ANKRD30BL: variants seen among roughly 807,000 people sequenced by gnomAD.
The protein encoded by ANKRD30BL is putative ankyrin repeat domain-containing protein 30B-like.
A neutral mutation model predicts 18.4 loss-of-function variants in ANKRD30BL; 20 were observed. That is an observed-to-expected ratio of 1.09 (90% CI 0.77 to 1.58). ANKRD30BL has a LOEUF of 1.58. Ranked by LOEUF, ANKRD30BL falls within the 40% of genes most tolerant of loss-of-function variation. The probability of loss-of-function intolerance (pLI) is 0.00; values close to 1 mark genes in which losing one functional copy is unlikely to be tolerated. For missense variants in ANKRD30BL, 224 were observed against 268.6 expected, an observed-to-expected ratio of 0.83 and a Z score of 1.16; for synonymous variants, 72 against 100.9, an observed-to-expected ratio of 0.71 and a Z score of 1.72.
chr2:132,162,731 G>A (rs1307619918), upstream of ANKRD30BL, among the ~76,000 whole-genome samples: 1 of 152,272 alleles, frequency 6.6e-6, no homozygotes, highest in South Asian at 2.1e-4. Flanking sequence ...TGTGGCACAC[G>A]CCCTCCCACT....
intron 1 of ANKRD30BL, among the ~76,000 whole-genome samples, chr2:132,244,546 A>T (rs1475418083): frequency 1.3e-5 from 2 of 152,220 alleles, no homozygotes; most frequent in African/African-American, 4.8e-5. Context: ...TGTAAATGGA[A>T]ACTTTGAGTG....
chr2:132,190,013 A>T lies in ANKRD30BL; in HGVS notation n.442-32867T>A, dbSNP rs1363658681. Among the ~76,000 whole-genome samples, 3 of 151,948 alleles carry T rather than the reference A, an allele frequency of 2.0e-5. No homozygotes were observed. In the East Asian group the frequency reaches 5.8e-4, roughly 30 times the overall value. On this transcript the variant is annotated intron_variant and non_coding_transcript_variant, in intron 1 of 4. Coordinates refer to the ANKRD30BL transcript ENST00000470729. ...AGTGGACTAAACTTCAGCTCTAAAA[A>T]GTTAACAAATCTTGAAGTCTGCTTG... is the stretch of plus-strand genomic sequence containing the variant.
intron 1 of ANKRD30BL, among the ~76,000 whole-genome samples, chr2:132,208,922 T>C (rs1046886688): frequency 6.6e-6 from 1 of 151,978 alleles, no homozygotes; most frequent in Admixed American, 6.6e-5. Flanking sequence ...TTTCTTTTGA[T>C]TTAGCACTTT....
At chr2:132,222,253 A>G (rs1161422525) in intron 1 of ANKRD30BL, among the ~76,000 whole-genome samples, 1 of 147,860 alleles carries the variant, frequency 6.8e-6, no homozygotes, top group Non-Finnish European at 1.5e-5. Context: ...CCCATCCGGG[A>G]GGTGAGGGGC....
chr2:132,220,513 G>T (rs369525710), intron 1 of ANKRD30BL, among the ~76,000 whole-genome samples: 3 of 151,956 alleles, frequency 2.0e-5, no homozygotes, highest in Admixed American at 2.0e-4. Flanking sequence ...GCAGGCGCGC[G>T]TCGCCACGCC....
chr2:132,162,326 G>A (rs1688097857), upstream of ANKRD30BL, among the ~76,000 whole-genome samples: 1 of 152,188 alleles, frequency 6.6e-6, no homozygotes, highest in African/African-American at 2.4e-5. Context: ...CAGGGTTGCA[G>A]CCTCTCCTGC....
At chr2:132,219,289 AG>A (rs1323114801) in intron 1 of ANKRD30BL, among the ~76,000 whole-genome samples, 4 of 148,288 alleles carry the variant, frequency 2.7e-5, no homozygotes, top group Non-Finnish European at 5.9e-5. Flanking sequence ...ACTGCTTACC[AG>A]CCTTCGCTGG....
intron 1 of ANKRD30BL, among the ~76,000 whole-genome samples, chr2:132,217,035 G>A (rs764628290): frequency 6.6e-5 from 10 of 151,804 alleles, no homozygotes; most frequent in African/African-American, 1.7e-4. Context: ...TCTTTTTGAC[G>A]AATCTGCAAG....
intron 1 of ANKRD30BL, among the ~76,000 whole-genome samples, chr2:132,185,034 G>A (rs1285473373): frequency 3.9e-5 from 6 of 151,998 alleles, no homozygotes; most frequent in African/African-American, 4.8e-5. Flanking sequence ...GGATGGACTC[G>A]ATCTCCTGAC....
intron 1 of ANKRD30BL, among the ~76,000 whole-genome samples, chr2:132,242,447 C>T (rs1323622611): frequency 6.6e-6 from 1 of 151,682 alleles, no homozygotes. Context: ...TTGAACATTC[C>T]CTTTCATAGA....
intron 1 of ANKRD30BL, among the ~76,000 whole-genome samples, chr2:132,225,824 G>T (rs1026677272): frequency 1.3e-5 from 2 of 151,822 alleles, no homozygotes; most frequent in Non-Finnish European, 2.9e-5. Context: ...CGGTGGAAAA[G>T]GAAATATCTT....
intron 1 of ANKRD30BL, among the ~76,000 whole-genome samples, chr2:132,196,108 C>T (rs566924183): frequency 7.5e-5 from 11 of 146,870 alleles, no homozygotes; most frequent in South Asian, 4.3e-4. Context: ...CGCCACTGCA[C>T]GCCAGCCTGG....
chr2:132,257,942 C>G (rs912968494), exon 1 of ANKRD30BL: 3 of 153,456 alleles, frequency 2.0e-5, no homozygotes, highest in Non-Finnish European at 4.4e-5. Context: ...GGTAGCCCCT[C>G]GGCGGCCGGC....
intron 1 of ANKRD30BL, among the ~76,000 whole-genome samples, chr2:132,211,832 T>C (rs1679361562): frequency 6.6e-6 from 1 of 152,104 alleles, no homozygotes; most frequent in Admixed American, 6.6e-5. Context: ...TTGAGCAGTT[T>C]TGAAACACTC....
intron 1 of ANKRD30BL, among the ~76,000 whole-genome samples, chr2:132,157,983 T>C (rs1250119779): frequency 6.6e-6 from 1 of 152,030 alleles, no homozygotes; most frequent in East Asian, 1.9e-4. Flanking sequence ...TTCTCGTATT[T>C]TAACATCTCT....
At chr2:132,179,930 C>G (rs1043345010) in intron 1 of ANKRD30BL, among the ~76,000 whole-genome samples, 1 of 151,934 alleles carries the variant, frequency 6.6e-6, no homozygotes, top group African/African-American at 2.4e-5. Context: ...TGAAGTTGTA[C>G]AATATGTTTA....
At chr2:132,180,679 A>T (rs7598560) in intron 1 of ANKRD30BL, among the ~76,000 whole-genome samples, 78,961 of 151,126 alleles carry the variant, frequency 0.52, 20,895 homozygotes, top group South Asian at 0.6. Context: ...ATCACATAAC[A>T]AGAAAAGAGA....
chr2:132,149,649 T>G (rs7597681), intron 5 of ANKRD30BL, among the ~76,000 whole-genome samples: 43,206 of 151,990 alleles, frequency 0.28, 9,583 homozygotes, highest in African/African-American at 0.6. Flanking sequence ...ACTTTTTTAG[T>G]GACAAAAGTC....
At chr2:132,240,764 C>T (rs77294984) in intron 1 of ANKRD30BL, among the ~76,000 whole-genome samples, 1 of 148,888 alleles carries the variant, frequency 6.7e-6, no homozygotes, top group Non-Finnish European at 1.5e-5. Flanking sequence ...GATTTGAAAC[C>T]CTCTTTTTGT....
Sources: gnomAD v4.1 joint callset for allele counts (sites outside exome capture counted in the v4.1 genomes callset) on GRCh38, gnomAD v4.1.1 for gene constraint, MANE v1.5 for transcripts, NCBI Gene and HGNC (gene_info 2026-07-23, HGNC 2026-07-21) for gene names.